Variants in OGN observed in about 807,000 individuals in gnomAD.
OGN encodes osteoglycin.
In OGN, 19 loss-of-function variants were observed where a neutral mutation model predicts 30.8. The observed-to-expected ratio is 0.62, with a 90% CI of 0.43 to 0.90. OGN has a LOEUF of 0.90. Ranked by LOEUF, OGN falls within the 40% of genes least tolerant of loss-of-function variation. OGN has a pLI of 0.00. For synonymous variants in OGN, 126 were observed against 128.3 expected (o/e 0.98, Z 0.12); for missense variants, 283 against 349.7 (o/e 0.81, Z 1.52).
At chr9:92,397,490 C>A (rs1842937517) in intron 3 of OGN, among the ~76,000 whole-genome samples, 1 of 152,102 alleles carries the variant, frequency 6.6e-6, no homozygotes, top group African/African-American at 2.4e-5. Context: ...CCATGCCCAG[C>A]TAATTTTTTT....
chr9:92,402,489 G>A (rs550949455), intron 2 of OGN, among the ~76,000 whole-genome samples: 10 of 152,228 alleles, frequency 6.6e-5, no homozygotes, highest in Non-Finnish European at 1.0e-4. Context: ...CATACATAGT[G>A]GGCAACAGAT....
rs557327685 is a variant in OGN, at chr9:92,390,591, C to T, written c.428-535G>A. Among the ~76,000 whole-genome samples the T allele has an allele frequency of 1.8e-4, 26 of 141,674 alleles. No individual in the cohort carries two copies. The South Asian group carries it at 4.0e-3, about 22-fold the overall frequency. The allele number at this position is 141,674 out of a possible 152,430, so 92.9% of individuals were successfully genotyped here. On this transcript the variant is annotated intron_variant, in intron 4 of 6. Transcript: ENST00000375561. Reference sequence around the variant, plus strand: ...GTGTGTGTGTGTGTGTGTGTGTGCGCGCGCGCGTACTTGCGTGTGCATCAC... The same window carrying T: ...GTGTGTGTGTGTGTGTGTGTGTGCGTGCGCGCGTACTTGCGTGTGCATCAC...
At chr9:92,400,983 C>T in intron 3 of OGN, 109 bp downstream of exon 3, 1 of 578,708 alleles carries the variant, frequency 1.7e-6, no homozygotes, top group Non-Finnish European at 3.1e-6. Context: ...TAAAATTCCA[C>T]TGTTTGTATT....
chr9:92,384,236 ATGTTATCT>A lies in OGN; in HGVS notation c.*1376_*1383del. 6.6e-6 allele frequency: 1 copy of A among 152,318 alleles called. No homozygotes were observed. Among genetic ancestry groups the A allele is most frequent in the East Asian group, 1.9e-4 (1 of 5,188 alleles). The allele number at this position is 152,318 out of a possible 1,614,324, so 9.4% of individuals were successfully genotyped here. A position where few individuals can be genotyped will look rare whatever the true frequency, so the allele number is the denominator to read the frequency against. Reference sequence around the variant, plus strand: ...TAGATCTCAGATGCTTTAATGAAAAATGTTATCTTGAGGTCAACTTTGACAAATGGGGA... The same window carrying A: ...TAGATCTCAGATGCTTTAATGAAAAATGAGGTCAACTTTGACAAATGGGGA... On this transcript the variant is annotated 3_prime_UTR_variant, in exon 7 of 7. Transcript: ENST00000375561.
chr9:92,383,998 T>A lies in OGN; in HGVS notation c.*1622A>T, dbSNP rs1842332836. 1 of 152,208 alleles carries A rather than the reference T, an allele frequency of 6.6e-6. No homozygotes were observed. Among genetic ancestry groups the A allele is most frequent in the African/African-American group, 2.4e-5 (1 of 41,460 alleles). 9.4% of individuals were successfully genotyped at this position (152,208 alleles called of 1,614,324 possible). ...TTAGATGGATTTTATTTTGCAATAT[T>A]TATTATATATTCAATTCAAATGTAC... On this transcript the variant is annotated 3_prime_UTR_variant, in exon 7 of 7. Transcript: ENST00000375561.
chr9:92,399,240 A>C (rs1304528735), intron 3 of OGN, among the ~76,000 whole-genome samples: 1 of 151,934 alleles, frequency 6.6e-6, no homozygotes, highest in Non-Finnish European at 1.5e-5. Context: ...TCATACTTCA[A>C]TTTTTTTCAA....
chr9:92,403,105 G>A lies in OGN; in HGVS notation c.174+129C>T, dbSNP rs1014902377. 1.7e-5 allele frequency: 10 copies of A among 587,926 alleles called. No individual in the cohort carries two copies. The African/African-American group carries it at 1.9e-4, about 11-fold the overall frequency. 36.4% of individuals were successfully genotyped at this position (587,926 alleles called of 1,614,324 possible). A position where few individuals can be genotyped will look rare whatever the true frequency, so the allele number is the denominator to read the frequency against. ...ATACAATCTTAGGGACAATTATTAT[G>A]AATTCGTTTGAATCATTTAAAGTGA... On this transcript the variant is annotated intron_variant, in intron 2 of 6. Coordinates refer to ENST00000375561, the MANE Select transcript of OGN (RefSeq NM_014057.5).
rs571446081 is a variant in OGN, at chr9:92,386,339, A to G, written c.631-43T>C. The G allele has an allele frequency of 2.4e-6, 3 of 1,255,332 alleles. No homozygotes were observed. In the Admixed American group the frequency reaches 5.0e-5, roughly 21 times the overall value. 77.8% of individuals were successfully genotyped at this position (1,255,332 alleles called of 1,614,324 possible). A position where few individuals can be genotyped will look rare whatever the true frequency, so the allele number is the denominator to read the frequency against. Reference sequence around the variant, plus strand: ...TGTGAGTGTTATTGAGGTTCTGTACATTCTTTCACAGGATTCAAGCAATAT... The same window carrying G: ...TGTGAGTGTTATTGAGGTTCTGTACGTTCTTTCACAGGATTCAAGCAATAT... On this transcript the variant is annotated intron_variant, in intron 5 of 6. Transcript: ENST00000375561.
At chr9:92,388,164 T>C (rs904344541) in intron 5 of OGN, among the ~76,000 whole-genome samples, 2 of 151,982 alleles carry the variant, frequency 1.3e-5, no homozygotes, top group African/African-American at 4.8e-5. Context: ...GTTGATCAGC[T>C]CCTTTTTTTT....
intron 3 of OGN, among the ~76,000 whole-genome samples, chr9:92,396,739 T>C (rs72752449): frequency 0.031 from 4,661 of 152,034 alleles, 110 homozygotes; most frequent in South Asian, 0.083. Flanking sequence ...TTTTTCTTGG[T>C]TAAATTTTTT....
intron 4 of OGN, 79 bp from the exon 5 acceptor site, chr9:92,390,135 C>T: frequency 1.2e-6 from 1 of 805,128 alleles, no homozygotes; most frequent in Non-Finnish European, 2.0e-6. Context: ...ATTTGTTTAA[C>T]AGATCACTCA....
intron 3 of OGN, among the ~76,000 whole-genome samples, chr9:92,397,509 TA>T (rs1449120586): frequency 2.0e-5 from 3 of 152,154 alleles, no homozygotes; most frequent in Non-Finnish European, 4.4e-5. Context: ...TTTGTATTTT[TA>T]GTAGAGACGG....
In OGN at chr9:92,385,540, A is replaced by G. The variant is rs763193411; in HGVS notation, c.*80T>C. 77 of 1,220,436 alleles carry G rather than the reference A, an allele frequency of 6.3e-5. 1 individual carries two copies. Among genetic ancestry groups the G allele is most frequent in the Non-Finnish European group, 8.4e-5 (72 of 856,958 alleles). The allele number at this position is 1,220,436 out of a possible 1,614,324, so 75.6% of individuals were successfully genotyped here. A position where few individuals can be genotyped will look rare whatever the true frequency, so the allele number is the denominator to read the frequency against. On this transcript the variant is annotated 3_prime_UTR_variant, in exon 7 of 7. Coordinates refer to ENST00000375561, the MANE Select transcript of OGN (RefSeq NM_014057.5). The stretch of plus-strand genomic sequence containing the variant: ...GAGATACAAGGTTAATATTAAACCA[A>G]TACTTAAGTTCCTTTACTCATTGTT...
chr9:92,391,280 A>G (rs1842671245), intron 4 of OGN, among the ~76,000 whole-genome samples: 1 of 151,262 alleles, frequency 6.6e-6, no homozygotes, highest in Non-Finnish European at 1.5e-5. Flanking sequence ...GGTGGCGAGC[A>G]CTTGTAGTCC....
rs2130874023 is a variant in OGN, at chr9:92,383,544, T to A, written c.*2076A>T. On this transcript the variant is annotated 3_prime_UTR_variant, in exon 7 of 7. Coordinates refer to ENST00000375561, the MANE Select transcript of OGN (RefSeq NM_014057.5). ...TATTAGTGTCAAGAATGAAACATTA[T>A]GAATATAATGGAGACAGCATATTTT... Among the ~76,000 whole-genome samples the A allele has an allele frequency of 6.6e-6, 1 of 152,296 alleles. No homozygotes were observed. Among genetic ancestry groups the A allele is most frequent in the South Asian group, 2.1e-4 (1 of 4,820 alleles).
chr9:92,394,850 GC>G (rs1407116029), intron 3 of OGN, among the ~76,000 whole-genome samples: 2 of 151,898 alleles, frequency 1.3e-5, no homozygotes, highest in African/African-American at 2.4e-5. Context: ...CAGGTGATCT[GC>G]CCGCCTCAGC....
At chr9:92,389,158 T>C (rs1156897184) in intron 5 of OGN, among the ~76,000 whole-genome samples, 3 of 152,148 alleles carry the variant, frequency 2.0e-5, no homozygotes, top group African/African-American at 7.2e-5. Context: ...TTACCAGCAA[T>C]GGCATGGTCA....
chr9:92,400,674 G>A (rs1308150494), intron 3 of OGN, among the ~76,000 whole-genome samples: 2 of 152,166 alleles, frequency 1.3e-5, no homozygotes. Flanking sequence ...TTCATGACAA[G>A]TTTTCTATTT....
chr9:92,388,986 T>C (rs1227481758), intron 5 of OGN, among the ~76,000 whole-genome samples: 1 of 152,090 alleles, frequency 6.6e-6, no homozygotes, highest in African/African-American at 2.4e-5. Flanking sequence ...TAATGAAAAA[T>C]GAAAAAATGG....
Sources: allele counts gnomAD v4.1 joint callset (sites outside exome capture counted in the v4.1 genomes callset), GRCh38; gene constraint gnomAD v4.1.1; transcripts MANE v1.5; gene names NCBI Gene and HGNC (gene_info 2026-07-23, HGNC 2026-07-21).